Variants in IGSF10 observed in about 807,000 individuals in gnomAD.
IGSF10 encodes the protein immunoglobulin superfamily member 10.
In IGSF10, 126 loss-of-function variants were observed where a neutral mutation model predicts 128.2. The ratio of observed to expected loss-of-function variants is 0.98; its 90% confidence interval spans 0.85 to 1.14. IGSF10 has a LOEUF of 1.14. IGSF10 is among the 50% of genes most tolerant of loss of function. The pLI, the probability that IGSF10 is intolerant of heterozygous loss-of-function variation, is 0.00. For missense variants in IGSF10, 3,295 were observed against 3,149.8 expected (o/e 1.05, Z -1.10); for synonymous variants, 1,185 against 1,146.2 (o/e 1.03, Z -0.68).
At chr3:151,552,225 G>C in the IGSF10 span, among the ~76,000 whole-genome samples, 2 of 152,084 alleles carry the variant, frequency 1.3e-5, no homozygotes, top group African/African-American at 4.8e-5. Context: ...CACTGTGATT[G>C]TAACTTTCCT....
the IGSF10 span, among the ~76,000 whole-genome samples, chr3:151,553,628 CTCTT>C: frequency 4.8e-5 from 7 of 146,170 alleles, no homozygotes; most frequent in South Asian, 4.3e-4. Context: ...CTGTCTCTCT[CTCTT>C]TCTATATATA....
chr3:151,569,547 T>C, the IGSF10 span, among the ~76,000 whole-genome samples: 12 of 152,172 alleles, frequency 7.9e-5, no homozygotes, highest in African/African-American at 2.7e-4. Context: ...ACCATTTAAG[T>C]AGGGGTATTG....
At chr3:151,465,789 T>C (rs1346710187), upstream of IGSF10, among the ~76,000 whole-genome samples, 3 of 152,180 alleles carry the variant, frequency 2.0e-5, no homozygotes, top group African/African-American at 7.2e-5. Flanking sequence ...ACGTTGTACT[T>C]CTATATTTGA....
At chr3:151,547,419 A>AAT in the IGSF10 span, among the ~76,000 whole-genome samples, 677 of 141,660 alleles carry the variant, frequency 4.8e-3, 19 homozygotes, top group East Asian at 0.083. Flanking sequence ...ATATTATATA[A>AAT]ATATATATAT....
chr3:151,461,339 G>A (rs1204813500), upstream of IGSF10: 1 of 985,176 alleles, frequency 1.0e-6, no homozygotes, highest in Non-Finnish European at 1.2e-6. Context: ...TTGGTTTAAG[G>A]GTTTACGTAA....
chr3:151,478,921 A>G, the IGSF10 span, among the ~76,000 whole-genome samples: 1 of 152,220 alleles, frequency 6.6e-6, no homozygotes, highest in East Asian at 1.9e-4. Context: ...ACCTAAACCA[A>G]AAATATCAAG....
chr3:151,593,665 G>A, the IGSF10 span, among the ~76,000 whole-genome samples: 1 of 151,872 alleles, frequency 6.6e-6, no homozygotes, highest in Admixed American at 6.6e-5. Context: ...ATTTAGGAAG[G>A]AGGAAGACAA....
At chr3:151,495,501 A>G in the IGSF10 span, among the ~76,000 whole-genome samples, 3 of 152,180 alleles carry the variant, frequency 2.0e-5, no homozygotes, top group Non-Finnish European at 4.4e-5. Context: ...CACCAATTCT[A>G]CATTATCCGT....
At chr3:151,488,973 T>C in the IGSF10 span, among the ~76,000 whole-genome samples, 1 of 152,024 alleles carries the variant, frequency 6.6e-6, no homozygotes, top group Admixed American at 6.6e-5. Context: ...AATTGACAAA[T>C]GGGATCTAAT....
the IGSF10 span, among the ~76,000 whole-genome samples, chr3:151,619,476 G>C: frequency 2.0e-5 from 3 of 149,058 alleles, no homozygotes; most frequent in Admixed American, 6.7e-5. Flanking sequence ...GTGTGTGTAT[G>C]TAGTGGAAAA....
chr3:151,436,587 G>A lies in IGSF10; in HGVS notation c.*102C>T. 2 of 773,540 alleles carry A rather than the reference G, an allele frequency of 2.6e-6. No individual in the cohort carries two copies. The highest frequency in any genetic ancestry group is 4.2e-6 in the Non-Finnish European group (2 of 473,644). 47.9% of individuals were successfully genotyped at this position (773,540 alleles called of 1,614,324 possible). ...GCATGTTCATTGTAAATTTAATACT[G>A]TAAATGTATTCAAATTCATTTACAT... On this transcript the variant is annotated 3_prime_UTR_variant, in exon 8 of 8. Transcript: ENST00000282466.
chr3:151,569,430 T>C, the IGSF10 span, among the ~76,000 whole-genome samples: 2 of 152,268 alleles, frequency 1.3e-5, no homozygotes, highest in Middle Eastern at 3.4e-3. Flanking sequence ...CTATAACTGA[T>C]GGGGTGGGAT....
the IGSF10 span, among the ~76,000 whole-genome samples, chr3:151,475,364 A>G: frequency 6.6e-6 from 1 of 152,238 alleles, no homozygotes; most frequent in African/African-American, 2.4e-5. Flanking sequence ...TGAGAGGTTA[A>G]CCAAAAGGGG....
chr3:151,447,016 C>T lies in IGSF10; in HGVS notation c.2965G>A (p.Ala989Thr). 6.2e-7 allele frequency: 1 copy of T among 1,614,148 alleles called. No homozygotes were observed. The highest frequency in any genetic ancestry group is 8.5e-7 in the Non-Finnish European group (1 of 1,180,038). Reference protein sequence around the residue: ...TSTFPSDPHTAAHSQFPIPRN... With the variant: ...TSTFPSDPHTTAHSQFPIPRN... ...GGGATCGGAAACTGAGAATGAGCAG[C>T]TGTGTGTGGATCTGAAGGGAACGTG... The change falls in exon 6 of 8, where the codon GCT (alanine) becomes ACT (threonine). Residue 989 changes from alanine to threonine, a missense_variant. By Grantham distance (58) the Ala-to-Thr change is moderately conservative. Transcript: ENST00000282466.
intron 2 of IGSF10, 28 bp from the exon 3 acceptor site, chr3:151,458,738 T>TA: frequency 1.3e-6 from 2 of 1,589,584 alleles, no homozygotes; most frequent in South Asian, 2.3e-5. Flanking sequence ...CTCAGAGTTA[T>TA]AAAGAGTGGT....
the IGSF10 span, among the ~76,000 whole-genome samples, chr3:151,470,252 A>G: frequency 6.6e-6 from 1 of 152,324 alleles, no homozygotes; most frequent in African/African-American, 2.4e-5. Context: ...AGCAACTTTC[A>G]TACAAAGGTC....
At chr3:151,580,716 A>G in the IGSF10 span, among the ~76,000 whole-genome samples, 1 of 152,314 alleles carries the variant, frequency 6.6e-6, no homozygotes, top group South Asian at 2.1e-4. Context: ...CTGTGTGTAC[A>G]CTTACGGAGG....
At chr3:151,560,664 T>G in the IGSF10 span, among the ~76,000 whole-genome samples, 1 of 151,854 alleles carries the variant, frequency 6.6e-6, no homozygotes, top group East Asian at 1.9e-4. Context: ...CTGGGACTAC[T>G]CATGTTACAG....
At chr3:151,514,311 T>TAAC in the IGSF10 span, among the ~76,000 whole-genome samples, 1 of 152,034 alleles carries the variant, frequency 6.6e-6, no homozygotes, top group Non-Finnish European at 1.5e-5. Context: ...TCAGAAATAA[T>TAAC]GACACATATC....
Sources: gnomAD v4.1 joint callset for allele counts (sites outside exome capture counted in the v4.1 genomes callset) on GRCh38, gnomAD v4.1.1 for gene constraint, MANE v1.5 for transcripts, NCBI Gene and HGNC (gene_info 2026-07-23, HGNC 2026-07-21) for gene names.